SLC39A12: variants seen among roughly 807,000 people sequenced by gnomAD.
SLC39A12 encodes the protein zinc transporter ZIP12.
SLC39A12 carries 63 observed loss-of-function variants against 71.1 expected under a neutral mutation model. That is an observed-to-expected ratio of 0.89 (90% CI 0.72 to 1.09). The LOEUF (loss-of-function observed/expected upper bound fraction) is 1.09, where lower values mean the gene tolerates loss of function less well. Among genes scored for constraint, SLC39A12 ranks in the 50% least tolerant of loss-of-function variants. The pLI is 0.00. For synonymous variants in SLC39A12, 351 were observed against 301.3 expected (o/e 1.16, Z -1.71); for missense variants, 892 against 812.6 (o/e 1.10, Z -1.19).
intron 12 of SLC39A12, among the ~76,000 whole-genome samples, chr10:18,042,288 G>A (rs991416680): frequency 2.9e-4 from 44 of 151,858 alleles, no homozygotes; most frequent in African/African-American, 1.0e-3. Flanking sequence ...GACCTGCCTG[G>A]GCAATACAGG....
intron 9 of SLC39A12, among the ~76,000 whole-genome samples, chr10:17,995,139 C>A (rs1429321878): frequency 6.6e-6 from 1 of 152,096 alleles, no homozygotes; most frequent in Non-Finnish European, 1.5e-5. Context: ...TCTTAATGGG[C>A]AAGATTCTTT....
At chr10:18,007,676 C>T (rs184097474) in intron 12 of SLC39A12, among the ~76,000 whole-genome samples, 3 of 152,326 alleles carry the variant, frequency 2.0e-5, no homozygotes, top group East Asian at 1.9e-4. Context: ...CATTCCCCCC[C>T]CTTTTTAGAC....
In SLC39A12 at chr10:18,015,331, G is replaced by T. The variant is rs148446313; in HGVS notation, c.1947+11973G>T. ...TCATCAAAAGACTCTAAAAAATTGAGATAAAAAATTAGCTGAATGCCTTAT... is the reference window on the plus strand; with the variant it reads ...TCATCAAAAGACTCTAAAAAATTGATATAAAAAATTAGCTGAATGCCTTAT... On this transcript the variant is annotated intron_variant, in intron 12 of 12. Transcript: ENST00000377369. Among the ~76,000 whole-genome samples the T allele has an allele frequency of 9.8e-3, 1,490 of 152,104 alleles. 20 individuals are homozygous for T. Among genetic ancestry groups the T allele is most frequent in the Middle Eastern group, 0.014 (4 of 294 alleles).
intron 12 of SLC39A12, among the ~76,000 whole-genome samples, chr10:18,015,908 G>A (rs1296090029): frequency 6.6e-6 from 1 of 151,802 alleles, no homozygotes; most frequent in Non-Finnish European, 1.5e-5. Flanking sequence ...GGCAGTTTTG[G>A]GTTCACAGCA....
At chr10:18,029,350 T>C (rs1198529850) in intron 12 of SLC39A12, among the ~76,000 whole-genome samples, 2 of 152,166 alleles carry the variant, frequency 1.3e-5, no homozygotes, top group African/African-American at 4.8e-5. Flanking sequence ...TGATTCACAC[T>C]TGAAAAAAGA....
chr10:17,992,013 C>G (rs1835561361), intron 8 of SLC39A12, among the ~76,000 whole-genome samples: 1 of 147,676 alleles, frequency 6.8e-6, no homozygotes, highest in African/African-American at 2.5e-5. Context: ...TGCTTGAACC[C>G]AAGAGGTAGA....
At chr10:18,017,723 A>T (rs973034143) in intron 12 of SLC39A12, among the ~76,000 whole-genome samples, 1 of 152,170 alleles carries the variant, frequency 6.6e-6, no homozygotes, top group African/African-American at 2.4e-5. Context: ...GGACTCTGTT[A>T]TATGCCATTG....
chr10:18,005,532 ACT>A (rs1297497434), intron 12 of SLC39A12: 3 of 151,926 alleles, frequency 2.0e-5, no homozygotes, highest in Non-Finnish European at 2.9e-5. Context: ...TTTGAAGTTT[ACT>A]CTGTTTTTCA....
At chr10:18,009,552 C>T (rs1339594749) in intron 12 of SLC39A12, 1 of 152,236 alleles carries the variant, frequency 6.6e-6, no homozygotes, top group African/African-American at 2.4e-5. Flanking sequence ...ATTTCCTCTC[C>T]AAGACTATCC....
intron 12 of SLC39A12, among the ~76,000 whole-genome samples, chr10:18,041,773 A>G (rs977265162): frequency 2.8e-5 from 4 of 143,198 alleles, no homozygotes; most frequent in Non-Finnish European, 4.6e-5. Context: ...ATATGTATAC[A>G]TATGTATATA....
At chr10:18,038,092 T>C (rs912913694) in intron 12 of SLC39A12, among the ~76,000 whole-genome samples, 2 of 140,048 alleles carry the variant, frequency 1.4e-5, no homozygotes, top group African/African-American at 5.6e-5. Context: ...GGGTCCATTA[T>C]TTCGATTAAA....
At chr10:18,039,839 A>C (rs114859388) in intron 12 of SLC39A12, among the ~76,000 whole-genome samples, 2,181 of 152,340 alleles carry the variant, frequency 0.014, 55 homozygotes, top group African/African-American at 0.05. Flanking sequence ...TTCCCTATAC[A>C]TATAAGCCTT....
intron 2 of SLC39A12, among the ~76,000 whole-genome samples, chr10:17,957,879 G>T: frequency 6.6e-6 from 1 of 152,176 alleles, no homozygotes; most frequent in East Asian, 1.9e-4. Context: ...AAGGTTTCCA[G>T]CCCGTGGTCA....
Position 18,000,600 on chromosome 10 carries a change from T to A in SLC39A12, c.1601-67T>A, listed in dbSNP as rs1835805636. 4.8e-4 allele frequency: 730 copies of A among 1,511,372 alleles called. 10 individuals carry two copies. In the South Asian group the frequency reaches 7.7e-3, roughly 16 times the overall value. The allele number at this position is 1,511,372 out of a possible 1,614,324, so 93.6% of individuals were successfully genotyped here. On this transcript the variant is annotated intron_variant, in intron 10 of 12. Coordinates refer to ENST00000377369, the MANE Select transcript of SLC39A12 (RefSeq NM_001145195.2). The stretch of plus-strand genomic sequence containing the variant: ...AGTGTAGGTGGGAAGGTTGGTTGGT[T>A]TTGAAGGATTTGGTGAAATATGTAG...
chr10:18,042,951 T>A lies in SLC39A12; in HGVS notation c.*118T>A. ...TTTTATCTTAGGCAAAGTGTGTCTCTTTCAATTCATTAACTTATTAATTTT... is the reference window on the plus strand; with the variant it reads ...TTTTATCTTAGGCAAAGTGTGTCTCATTCAATTCATTAACTTATTAATTTT... On this transcript the variant is annotated 3_prime_UTR_variant, in exon 13 of 13. Coordinates refer to ENST00000377369, the MANE Select transcript of SLC39A12 (RefSeq NM_001145195.2). 1.4e-6 allele frequency: 1 copy of A among 726,758 alleles called. No individual in the cohort carries two copies. The highest frequency in any genetic ancestry group is 4.0e-4 in the Middle Eastern group (1 of 2,476). The allele number at this position is 726,758 out of a possible 1,614,324, so 45.0% of individuals were successfully genotyped here.
chr10:18,005,948 C>T (rs1589243658), intron 12 of SLC39A12: 1 of 152,270 alleles, frequency 6.6e-6, no homozygotes, highest in East Asian at 1.9e-4. Flanking sequence ...ACAAACGCAG[C>T]TCTTTCACAT....
chr10:17,977,963 C>A lies in SLC39A12; in HGVS notation c.813C>A (p.Ile271=). The change falls in exon 5 of 13, where the codon ATC becomes ATA. Residue 271 remains isoleucine (I), a synonymous_variant. Coordinates refer to ENST00000377369, the MANE Select transcript of SLC39A12 (RefSeq NM_001145195.2). ...TRSTCIKNEK[I]HQFQRKQNNI... ...GTACTTGTATCAAAAATGAGAAAAT[C>A]CATCAATTTCAAAGGAAACAAAACA... 1 of 1,611,706 alleles carries A rather than the reference C, an allele frequency of 6.2e-7. No individual in the cohort carries two copies. Among genetic ancestry groups the A allele is most frequent in the Non-Finnish European group, 8.5e-7 (1 of 1,178,992 alleles).
intron 12 of SLC39A12, among the ~76,000 whole-genome samples, chr10:18,008,189 AG>A (rs1836088208): frequency 6.6e-6 from 1 of 152,176 alleles, no homozygotes; most frequent in Non-Finnish European, 1.5e-5. Context: ...CAGGTGAGCA[AG>A]CGAAGCTTCA....
chr10:17,959,377 G>A (rs1179969966), intron 2 of SLC39A12, among the ~76,000 whole-genome samples: 1 of 152,126 alleles, frequency 6.6e-6, no homozygotes, highest in African/African-American at 2.4e-5. Flanking sequence ...AGAGATTAAA[G>A]TCTGTGTGGT....
Sources: gnomAD v4.1 joint callset for allele counts (sites outside exome capture counted in the v4.1 genomes callset) on GRCh38, gnomAD v4.1.1 for gene constraint, MANE v1.5 for transcripts, NCBI Gene and HGNC (gene_info 2026-07-23, HGNC 2026-07-21) for gene names.